DPY30: variants seen among roughly 807,000 people sequenced by gnomAD.
The protein encoded by DPY30 is dpy-30 histone methyltransferase complex regulatory subunit.
Under a neutral mutation model 16.2 loss-of-function variants are expected in DPY30, and 6 were observed. The ratio of observed to expected loss-of-function variants is 0.37; its 90% confidence interval spans 0.20 to 0.73. The LOEUF (loss-of-function observed/expected upper bound fraction) is 0.73. Among genes scored for constraint, DPY30 ranks in the 30% least tolerant of loss-of-function variants. The pLI is 0.51. For synonymous variants in DPY30, 39 were observed against 38.8 expected (o/e 1.00, Z -0.02); for missense variants, 73 against 113.1 (o/e 0.65, Z 1.61).
intron 3 of DPY30, among the ~76,000 whole-genome samples, chr2:32,038,634 A>G (rs1255920752): frequency 7.0e-6 from 1 of 142,912 alleles, no homozygotes; most frequent in East Asian, 2.1e-4. Flanking sequence ...AGGTTTCCTA[A>G]TTTTATTTTT....
chr2:32,029,753 A>T lies in DPY30; in HGVS notation c.85-17T>A, dbSNP rs1675463921. 1.9e-6 allele frequency: 3 copies of T among 1,613,688 alleles called. No individual in the cohort carries two copies. Among genetic ancestry groups the T allele is most frequent in the African/African-American group, 2.7e-5 (2 of 74,928 alleles). ...TACTATTCTCTAGTGAATTCAAAAA[A>T]ACAGTGCATGAACATTTCAAATAAC... On this transcript the variant is annotated splice_polypyrimidine_tract_variant and intron_variant, in intron 3 of 4. Coordinates refer to ENST00000342166, the MANE Select transcript of DPY30 (RefSeq NM_001321209.2).
chr2:32,019,249 C>T (rs1330622606), downstream of DPY30, among the ~76,000 whole-genome samples: 1 of 152,100 alleles, frequency 6.6e-6, no homozygotes, highest in Non-Finnish European at 1.5e-5. Flanking sequence ...CGCCCCACCG[C>T]ACCCAGCTAA....
chr2:32,014,748 G>C (rs1675031476), intron 5 of DPY30, among the ~76,000 whole-genome samples: 1 of 151,714 alleles, frequency 6.6e-6, no homozygotes, highest in African/African-American at 2.4e-5. Context: ...CTCCCAAAAT[G>C]CTGAGATTAC....
At chr2:32,027,532 A>C (rs924591313) in intron 4 of DPY30, among the ~76,000 whole-genome samples, 17 of 104,100 alleles carry the variant, frequency 1.6e-4, no homozygotes, top group African/African-American at 4.1e-4. Context: ...ACTCTGTCTC[A>C]AAAAAAAAAA....
chr2:32,032,419 G>A (rs1165203891), intron 3 of DPY30, among the ~76,000 whole-genome samples: 2 of 152,142 alleles, frequency 1.3e-5, no homozygotes, highest in Non-Finnish European at 2.9e-5. Context: ...GTATCATCTT[G>A]AATGAATTTT....
chr2:32,038,432 G>GGGGA (rs1675836939), intron 3 of DPY30, among the ~76,000 whole-genome samples: 1 of 88,568 alleles, frequency 1.1e-5, no homozygotes, highest in Non-Finnish European at 2.2e-5. Flanking sequence ...CGGGGGGAGG[G>GGGGA]AAATAGGGAC....
chr2:32,012,738 CAA>C (rs936000476), intron 5 of DPY30, among the ~76,000 whole-genome samples: 3 of 152,070 alleles, frequency 2.0e-5, no homozygotes, highest in Admixed American at 2.0e-4. Context: ...GCACCCAGGC[CAA>C]AGCTACTTTA....
intron 3 of DPY30, 103 bp from the exon 4 acceptor site, chr2:32,029,839 T>C: frequency 1.5e-6 from 2 of 1,300,954 alleles, no homozygotes; most frequent in Non-Finnish European, 2.2e-6. Context: ...AAAAGGCAAA[T>C]CAATGACTAG....
chr2:32,015,889 C>A (rs1292925304), intron 5 of DPY30, among the ~76,000 whole-genome samples: 2 of 150,962 alleles, frequency 1.3e-5, no homozygotes, highest in African/African-American at 2.4e-5. Context: ...TTGTTAAAGA[C>A]TGCCAAGGTT....
Position 32,023,998 on chromosome 2 carries a change from G to T in DPY30, c.*186C>A. 6.9e-7 allele frequency: 1 copy of T among 1,443,946 alleles called. No individual in the cohort carries two copies. The allele number at this position is 1,443,946 out of a possible 1,614,324, so 89.4% of individuals were successfully genotyped here. On this transcript the variant is annotated 3_prime_UTR_variant, in exon 5 of 5. Transcript: ENST00000342166. ...TGCACAGAATACACTCATTAAATAG[G>T]TATGGTTTATGGTGATTAAATCAAA...
chr2:32,023,896 T>C, downstream of DPY30: 2 of 1,334,006 alleles, frequency 1.5e-6, no homozygotes, highest in Non-Finnish European at 2.0e-6. Context: ...AAAAACTACT[T>C]TAAAATAATG....
At chr2:32,023,485 G>T (rs1281926309), downstream of DPY30, 1 of 474,764 alleles carries the variant, frequency 2.1e-6, no homozygotes, top group Admixed American at 2.3e-5. Context: ...CTGCAAAATG[G>T]GAATAATAAT....
intron 4 of DPY30, 70 bp downstream of exon 4, chr2:32,029,524 A>C (rs764082814): frequency 6.4e-7 from 1 of 1,571,618 alleles, no homozygotes; most frequent in African/African-American, 1.4e-5. Flanking sequence ...ATACATAACT[A>C]TGATATTTCA....
Position 32,039,466 on chromosome 2 carries a change from T to A in DPY30, c.-10A>T, listed in dbSNP as rs1052478215. ...TCTGCTCTGGCTCCATGGCGGACCC[T>A]GCAAGTCACAGTCCCCGGATACCAG... On this transcript the variant is annotated 5_prime_UTR_variant, in exon 2 of 5. Coordinates refer to ENST00000342166, the MANE Select transcript of DPY30 (RefSeq NM_001321209.2). 1 of 1,613,916 alleles carries A rather than the reference T, an allele frequency of 6.2e-7. No individual in the cohort carries two copies. Among genetic ancestry groups the A allele is most frequent in the African/African-American group, 1.3e-5 (1 of 74,912 alleles).
At chr2:32,024,695 T>C (rs1159846981) in intron 4 of DPY30, among the ~76,000 whole-genome samples, 1 of 152,162 alleles carries the variant, frequency 6.6e-6, no homozygotes, top group East Asian at 1.9e-4. Flanking sequence ...TGTAATATCC[T>C]TCAATAAAAG....
intron 5 of DPY30, chr2:32,013,315 G>A (rs1675004701): frequency 6.6e-6 from 1 of 152,076 alleles, no homozygotes; most frequent in African/African-American, 2.4e-5. Flanking sequence ...ATGCTCTACT[G>A]AAATTTTCTT....
intron 5 of DPY30, among the ~76,000 whole-genome samples, chr2:32,016,651 C>A (rs373573453): frequency 9.3e-5 from 14 of 151,264 alleles, no homozygotes; most frequent in African/African-American, 3.2e-4. Context: ...TTTTTCAATT[C>A]AAGGTTTCTA....
At chr2:32,015,054 T>A (rs1675038525) in intron 5 of DPY30, among the ~76,000 whole-genome samples, 1 of 151,946 alleles carries the variant, frequency 6.6e-6, no homozygotes, top group Non-Finnish European at 1.5e-5. Flanking sequence ...CTTTTGTATT[T>A]TGTGCCATAT....
intron 5 of DPY30, among the ~76,000 whole-genome samples, chr2:32,015,714 C>A (rs12478134): frequency 1.6e-4 from 25 of 151,756 alleles, no homozygotes; most frequent in African/African-American, 5.3e-4. Flanking sequence ...GTAGCACGCC[C>A]CTGTAGTACC....
Sources: allele counts gnomAD v4.1 joint callset (sites outside exome capture counted in the v4.1 genomes callset), GRCh38; gene constraint gnomAD v4.1.1; transcripts MANE v1.5; gene names NCBI Gene and HGNC (gene_info 2026-07-23, HGNC 2026-07-21).